Variants in CAP1 observed in about 807,000 individuals in gnomAD.
CAP1 encodes adenylyl cyclase-associated protein 1.
In CAP1, 11 loss-of-function variants were observed where a neutral mutation model predicts 58.2. The ratio of observed to expected loss-of-function variants is 0.19; its 90% CI spans 0.12 to 0.31. The LOEUF is 0.31. Among genes scored for constraint, CAP1 ranks in the 10% least tolerant of loss-of-function variants. CAP1 has a pLI of 1.00. For missense variants in CAP1, 423 were observed against 587.5 expected (o/e 0.72, Z 2.89); for synonymous variants, 183 against 213.8 (o/e 0.86, Z 1.26).
intron 1 of CAP1, among the ~76,000 whole-genome samples, chr1:40,044,430 C>G (rs1280686194): frequency 1.3e-5 from 2 of 152,170 alleles, no homozygotes; most frequent in African/African-American, 4.8e-5. Context: ...GAAATGTTGA[C>G]ATCAGTTTCT....
intron 1 of CAP1, among the ~76,000 whole-genome samples, chr1:40,045,185 C>T (rs1317013311): frequency 1.3e-5 from 2 of 152,076 alleles, no homozygotes; most frequent in African/African-American, 2.4e-5. Context: ...GTTGTGACAA[C>T]CAAAAATGTC....
chr1:40,058,595 C>T (rs1043946296), intron 1 of CAP1, among the ~76,000 whole-genome samples: 4 of 152,122 alleles, frequency 2.6e-5, no homozygotes, highest in Non-Finnish European at 2.9e-5. Flanking sequence ...GGCATGGTGG[C>T]GCACACCTAT....
In CAP1 at chr1:40,060,186, CT is replaced by C; in HGVS notation, c.216+21del. 5 of 1,592,270 alleles carry C rather than the reference CT, an allele frequency of 3.1e-6. No homozygotes were observed. Among genetic ancestry groups the C allele is most frequent in the Admixed American group, 1.7e-5 (1 of 59,548 alleles). On this transcript the variant is annotated intron_variant, in intron 3 of 12. Coordinates refer to ENST00000372805, the MANE Select transcript of CAP1 (RefSeq NM_006367.4). ...GCAGAAACATGTAAGGATGTTTTGC[CT>C]TTTTCCCCTTCTTTTAAGGACTAAC...
intron 1 of CAP1, among the ~76,000 whole-genome samples, chr1:40,059,032 T>TTTTTTTTTTTTTTTTTTTTTTTTTTG (rs1553163419): frequency 6.6e-6 from 1 of 152,020 alleles, no homozygotes; most frequent in South Asian, 2.1e-4. Context: ...TCTAACTTTC[T>TTTTTTTTTTTTTTTTTTTTTTTTTTG]ACACACAGTA....
At chr1:40,064,881 G>A (rs1385411335) in intron 6 of CAP1, among the ~76,000 whole-genome samples, 1 of 152,148 alleles carries the variant, frequency 6.6e-6, no homozygotes, top group Non-Finnish European at 1.5e-5. Context: ...TTTTTCTCAA[G>A]GGGTAAAGGA....
chr1:40,070,690 C>CAA, intron 11 of CAP1, 146 bp from the exon 12 acceptor site: 2 of 703,762 alleles, frequency 2.8e-6, no homozygotes, highest in Non-Finnish European at 4.8e-6. Context: ...CAGGACCCAT[C>CAA]CCAACCCACC....
intron 11 of CAP1, 99 bp from the exon 12 acceptor site, chr1:40,070,737 A>T: frequency 9.1e-7 from 1 of 1,103,078 alleles, no homozygotes; most frequent in Non-Finnish European, 1.3e-6. Flanking sequence ...TGAGCTTTTC[A>T]TGTAGTTGCT....
rs1367481925 is a variant in CAP1, at chr1:40,061,843, G to A, written c.294+31G>A. The A allele has an allele frequency of 2.0e-6, 3 of 1,516,966 alleles. No individual in the cohort carries two copies. In the African/African-American group the frequency reaches 4.1e-5, roughly 21 times the overall value. 94.0% of individuals were successfully genotyped at this position (1,516,966 alleles called of 1,614,324 possible). A position where few individuals can be genotyped will look rare whatever the true frequency, so the allele number is the denominator to read the frequency against. ...TTCACTACTAGCTGGTTTCATTTTG[G>A]TTTGATGCTCAGGACGAGTTGAGAG... On this transcript the variant is annotated intron_variant, in intron 4 of 12. Coordinates refer to ENST00000372805, the MANE Select transcript of CAP1 (RefSeq NM_006367.4).
At chr1:40,051,655 A>G (rs1646375105) in intron 1 of CAP1, among the ~76,000 whole-genome samples, 1 of 152,084 alleles carries the variant, frequency 6.6e-6, no homozygotes, top group South Asian at 2.1e-4. Flanking sequence ...GGCTCACCGC[A>G]AGCTCCGCCT....
chr1:40,055,182 CG>C (rs1186520422), intron 1 of CAP1, among the ~76,000 whole-genome samples: 1 of 152,026 alleles, frequency 6.6e-6, no homozygotes, highest in Non-Finnish European at 1.5e-5. Flanking sequence ...TTCTGGAAAA[CG>C]CAAGTAGTCC....
chr1:40,048,457 G>A (rs547609660), intron 1 of CAP1, among the ~76,000 whole-genome samples: 1 of 152,202 alleles, frequency 6.6e-6, no homozygotes, highest in South Asian at 2.1e-4. Context: ...GGTAGCATGT[G>A]TAGGTTTTAC....
rs1647614893 is a variant in CAP1 at position 40,070,231 on chromosome 1, T to G, written c.1066T>G (p.Cys356Gly). 6.2e-7 allele frequency: 1 copy of G among 1,614,056 alleles called. No individual in the cohort carries two copies. The highest frequency in any genetic ancestry group is 1.3e-5 in the African/African-American group (1 of 74,938). Residue 356 changes from cysteine to glycine, a missense_variant, in exon 10 of 13, where the codon TGT (cysteine) becomes GGT (glycine). Coordinates refer to ENST00000372805, the MANE Select transcript of CAP1 (RefSeq NM_006367.4). ...ELKQVAYIYK[C>G]VNTTLQIKGK... is the part of the protein sequence containing the mutation. ...GAAACAGGTGGCTTACATATACAAGTGTGTCAACACGACATTGCAAATCAA... is the reference window on the plus strand; with the variant it reads ...GAAACAGGTGGCTTACATATACAAGGGTGTCAACACGACATTGCAAATCAA...
intron 1 of CAP1, among the ~76,000 whole-genome samples, chr1:40,048,247 T>A (rs2124197154): frequency 6.6e-6 from 1 of 152,322 alleles, no homozygotes; most frequent in South Asian, 2.1e-4. Context: ...TTTGCCATGT[T>A]GGCCAGGCTG....
At chr1:40,054,428 G>A (rs151311068) in intron 1 of CAP1, among the ~76,000 whole-genome samples, 2 of 151,890 alleles carry the variant, frequency 1.3e-5, no homozygotes, top group East Asian at 1.9e-4. Flanking sequence ...CACCCGTCTC[G>A]GCCTCCCAAA....
At chr1:40,064,438 G>A in intron 5 of CAP1, 36 bp from the exon 6 acceptor site, 5 of 1,611,824 alleles carry the variant, frequency 3.1e-6, no homozygotes, top group Non-Finnish European at 4.2e-6. Context: ...TATAGTTGGA[G>A]AGGTCCTGAG....
intron 1 of CAP1, among the ~76,000 whole-genome samples, chr1:40,042,916 T>A (rs1234811300): frequency 1.3e-5 from 2 of 152,104 alleles, no homozygotes; most frequent in Non-Finnish European, 2.9e-5. Flanking sequence ...GCTTTCTGGC[T>A]TAGGGAACTG....
rs542917217 is a variant in CAP1, at chr1:40,048,498, A to G, written c.-11+7697A>G. Reference sequence around the variant, plus strand: ...GACATGTTAAAACCTCGTGATAAGAATTCATTAGAAGTAGAACTAACTACT... The same window carrying G: ...GACATGTTAAAACCTCGTGATAAGAGTTCATTAGAAGTAGAACTAACTACT... On this transcript the variant is annotated intron_variant, in intron 1 of 12. Coordinates refer to ENST00000372805, the MANE Select transcript of CAP1 (RefSeq NM_006367.4). Among the ~76,000 whole-genome samples the G allele has an allele frequency of 4.6e-5, 7 of 152,358 alleles. No individual in the cohort carries two copies. The South Asian group carries it at 1.4e-3, about 32-fold the overall frequency.
At chr1:40,067,830 T>G in intron 8 of CAP1, 113 bp downstream of exon 8, 1 of 700,700 alleles carries the variant, frequency 1.4e-6, no homozygotes, top group Non-Finnish European at 2.4e-6. Flanking sequence ...GAGACTCGTT[T>G]GGTGTGTCCT....
At chr1:40,070,708 C>G in intron 11 of CAP1, 128 bp from the exon 12 acceptor site, 1 of 728,510 alleles carries the variant, frequency 1.4e-6, no homozygotes, top group Non-Finnish European at 2.3e-6. Flanking sequence ...ACCCGAGTAT[C>G]CAGTGTCTTG....
Sources: allele counts gnomAD v4.1 joint callset (sites outside exome capture counted in the v4.1 genomes callset), GRCh38; gene constraint gnomAD v4.1.1; transcripts MANE v1.5; gene names NCBI Gene and HGNC (gene_info 2026-07-23, HGNC 2026-07-21).